The following EMG1 variants were observed in gnomAD, a reference collection of about 807,000 sequenced individuals.
The protein encoded by EMG1 is ribosomal RNA small subunit methyltransferase NEP1.
A neutral mutation model predicts 26.9 loss-of-function variants in EMG1; 24 were observed. That is an observed-to-expected ratio of 0.89 (90% CI 0.65 to 1.26). The LOEUF (loss-of-function observed/expected upper bound fraction) is 1.26. Among genes scored for constraint, EMG1 ranks in the 50% most tolerant of loss-of-function variants. EMG1 has a pLI of 0.00. For synonymous variants in EMG1, 140 were observed against 112.6 expected, an observed-to-expected ratio of 1.24 and a Z score of -1.54; for missense variants, 299 against 307.6, an observed-to-expected ratio of 0.97 and a Z score of 0.21.
downstream of EMG1, chr12:6,981,731 A>AGGGGGGG: frequency 4.7e-6 from 1 of 210,734 alleles, no homozygotes; most frequent in South Asian, 4.1e-5. Flanking sequence ...CGGGGGGCGG[A>AGGGGGGG]GGGGGGGTGC....
chr12:6,974,181 G>A (rs1946365014), intron 1 of EMG1, among the ~76,000 whole-genome samples, 158 bp from the exon 2 acceptor site: 1 of 152,210 alleles, frequency 6.6e-6, no homozygotes, highest in Non-Finnish European at 1.5e-5. Context: ...TCCACCCCCA[G>A]TGTTCCTGGT....
chr12:6,977,005 T>A lies in EMG1; in HGVS notation c.*1196T>A. ...AATAAGTCACAGTAGTCATTGCCCATACTGTGTTCCTTAGTAGCCAGGCTA... is the reference window on the plus strand; with the variant it reads ...AATAAGTCACAGTAGTCATTGCCCAAACTGTGTTCCTTAGTAGCCAGGCTA... On this transcript the variant is annotated 3_prime_UTR_variant, in exon 6 of 6. Transcript: ENST00000599672. This position sits in a 1 kb window ranked among gnomAD's most constrained non-coding sequence, Gnocchi z 4.5. 1 of 676,102 alleles carries A rather than the reference T, an allele frequency of 1.5e-6. No individual in the cohort carries two copies. Among genetic ancestry groups the A allele is most frequent in the Non-Finnish European group, 2.7e-6 (1 of 376,294 alleles). 41.9% of individuals were successfully genotyped at this position (676,102 alleles called of 1,614,324 possible). A position where few individuals can be genotyped will look rare whatever the true frequency, so the allele number is the denominator to read the frequency against.
chr12:6,982,569 G>A (rs868976370), downstream of EMG1: 1 of 768,442 alleles, frequency 1.3e-6, no homozygotes, highest in Non-Finnish European at 2.2e-6. Flanking sequence ...GCTGGGAGAG[G>A]GGTTAGAAAT....
In EMG1 at chr12:6,979,682, C is replaced by A; in HGVS notation, c.*3873C>A. Reference sequence around the variant, plus strand: ...GAGGAGTGTTTAGGGGTGTGGTTGTCTACCTGGAATGGGATGAGAAGCTCT... The same window carrying A: ...GAGGAGTGTTTAGGGGTGTGGTTGTATACCTGGAATGGGATGAGAAGCTCT... On this transcript the variant is annotated 3_prime_UTR_variant, in exon 6 of 6. Transcript: ENST00000599672. 1 of 778,658 alleles carries A rather than the reference C, an allele frequency of 1.3e-6. No homozygotes were observed. The highest frequency in any genetic ancestry group is 2.2e-6 in the Non-Finnish European group (1 of 453,982). The allele number at this position is 778,658 out of a possible 1,614,324, so 48.2% of individuals were successfully genotyped here.
rs782438802 is a variant in EMG1 at position 6,978,664 on chromosome 12, A to C, written c.*2855A>C. ...AAACTTGCCCCAGATCAGCATGTAC[A>C]TGCAGCGGAACCAGAAGGGGTGGTT... On this transcript the variant is annotated 3_prime_UTR_variant, in exon 6 of 6. Transcript: ENST00000599672. 6.2e-7 allele frequency: 1 copy of C among 1,614,218 alleles called. No individual in the cohort carries two copies. The highest frequency in any genetic ancestry group is 8.5e-7 in the Non-Finnish European group (1 of 1,180,042).
downstream of EMG1, among the ~76,000 whole-genome samples, chr12:6,990,334 C>G (rs1946576040): frequency 6.6e-6 from 1 of 150,672 alleles, no homozygotes; most frequent in African/African-American, 2.4e-5. Context: ...ATGGTGAAAC[C>G]CTGTCTCTAC....
chr12:6,972,942 G>A (rs952131060), intron 1 of EMG1, among the ~76,000 whole-genome samples: 18 of 151,572 alleles, frequency 1.2e-4, no homozygotes, highest in African/African-American at 4.1e-4. Context: ...GGCTCAAGCA[G>A]TCCTCCCACC....
rs148741189 is a variant in EMG1 at position 6,978,748 on chromosome 12, G to GCA, written c.*2941_*2942dup. The GCA allele has an allele frequency of 0.02, 31,622 of 1,596,666 alleles. 461 individuals are homozygous for GCA. Among genetic ancestry groups the GCA allele is most frequent in the Middle Eastern group, 0.075 (453 of 6,000 alleles). ...TCACATGACTAGGCAGTTTCTCTCAGCACTCTTCCTTTTCACACTTGTGGC... is the reference window on the plus strand; with the variant it reads ...TCACATGACTAGGCAGTTTCTCTCAGCACACTCTTCCTTTTCACACTTGTGGC... On this transcript the variant is annotated 3_prime_UTR_variant, in exon 6 of 6. Coordinates refer to ENST00000599672, the MANE Select transcript of EMG1 (RefSeq NM_006331.8).
At chr12:6,971,184 G>A (rs1946321958) in intron 1 of EMG1, 93 bp downstream of exon 1, 2 of 1,075,328 alleles carry the variant, frequency 1.9e-6, no homozygotes, top group African/African-American at 3.1e-5. Flanking sequence ...GTAGAAAGCA[G>A]AGAGGGGTGA....
rs782500790 is a variant in EMG1, at chr12:6,971,037, C to T, written c.114C>T (p.Ile38=). The T allele has an allele frequency of 5.0e-6, 8 of 1,611,496 alleles. No homozygotes were observed. The South Asian group carries it at 5.5e-5, about 11-fold the overall frequency. The change falls in exon 1 of 6, where the codon ATC becomes ATT. Residue 38 remains isoleucine (I), a synonymous_variant. Coordinates refer to ENST00000599672, the MANE Select transcript of EMG1 (RefSeq NM_006331.8). ...KRPRLGAGNK[I]GGRRLIVVLE... ...CCCGACTAGGGGCAGGAAACAAGAT[C>T]GGAGGCCGTAGGCTTATTGTGGTGC...
chr12:6,985,218 C>T (rs1254595190), intron 6 of EMG1, among the ~76,000 whole-genome samples: 3 of 151,410 alleles, frequency 2.0e-5, no homozygotes, highest in South Asian at 4.2e-4. Flanking sequence ...GGTGAAACCC[C>T]GTCTCTACTA....
At chr12:6,974,067 A>G (rs782592896) in intron 1 of EMG1, among the ~76,000 whole-genome samples, 1 of 152,360 alleles carries the variant, frequency 6.6e-6, no homozygotes, top group South Asian at 2.1e-4. Flanking sequence ...TTAGTAGATA[A>G]TGTGAAGTCA....
intron 7 of EMG1, among the ~76,000 whole-genome samples, chr12:6,995,048 T>G (rs1016553642): frequency 1.3e-4 from 20 of 152,246 alleles, no homozygotes; most frequent in Non-Finnish European, 2.5e-4. Context: ...CAGTTTTAAT[T>G]TGATATTTCA....
chr12:6,977,323 T>C lies in EMG1; in HGVS notation c.*1514T>C, dbSNP rs1946416382. 1.2e-6 allele frequency: 2 copies of C among 1,612,768 alleles called. No individual in the cohort carries two copies. Among genetic ancestry groups the C allele is most frequent in the Non-Finnish European group, 1.7e-6 (2 of 1,178,888 alleles). Reference sequence around the variant, plus strand: ...GGAGTGTCCTTTGCAACCTTTGAGGTTGCAGTGAGTCCCTCCCAGTCTCAC... The same window carrying C: ...GGAGTGTCCTTTGCAACCTTTGAGGCTGCAGTGAGTCCCTCCCAGTCTCAC... On this transcript the variant is annotated 3_prime_UTR_variant, in exon 6 of 6. Transcript: ENST00000599672. This position sits in a 1 kb window ranked among gnomAD's most constrained non-coding sequence, Gnocchi z 4.5.
Position 6,977,180 on chromosome 12 carries a change from A to G in EMG1, c.*1371A>G. On this transcript the variant is annotated 3_prime_UTR_variant, in exon 6 of 6. Coordinates refer to ENST00000599672, the MANE Select transcript of EMG1 (RefSeq NM_006331.8). The surrounding 1 kb of genome is among the most constrained non-coding windows in gnomAD (Gnocchi z 4.5). Reference sequence around the variant, plus strand: ...CTTCTTTAACTTCTCTTTCCTTGGCACCATTGCTTTGTGAATATAAGGCAA... The same window carrying G: ...CTTCTTTAACTTCTCTTTCCTTGGCGCCATTGCTTTGTGAATATAAGGCAA... 3 of 1,613,304 alleles carry G rather than the reference A, an allele frequency of 1.9e-6. No individual in the cohort carries two copies. In the South Asian group the frequency reaches 3.3e-5, roughly 18 times the overall value.
chr12:6,981,659 G>A, downstream of EMG1: 1 of 1,613,118 alleles, frequency 6.2e-7, no homozygotes, highest in Admixed American at 1.7e-5. Flanking sequence ...CGGATGGGTA[G>A]GGTGGTGGGA....
At chr12:6,981,762 T>TG (rs782444969), downstream of EMG1, 2 of 1,372,250 alleles carry the variant, frequency 1.5e-6, no homozygotes, top group South Asian at 2.3e-5. Flanking sequence ...TTTAGTGAGA[T>TG]GGGGGAGGGA....
At chr12:6,973,399 C>T (rs1349930929) in intron 1 of EMG1, among the ~76,000 whole-genome samples, 2 of 151,932 alleles carry the variant, frequency 1.3e-5, no homozygotes, top group Non-Finnish European at 2.9e-5. Flanking sequence ...AACTCCTGAC[C>T]TTAAGTGATT....
At chr12:6,980,886 G>A (rs1376639701), downstream of EMG1, 4 of 1,003,686 alleles carry the variant, frequency 4.0e-6, no homozygotes, top group Non-Finnish European at 5.8e-6. Flanking sequence ...AACAGTCCAG[G>A]GCCTGCATGA....
Sources: gnomAD v4.1 joint callset for allele counts (sites outside exome capture counted in the v4.1 genomes callset) on GRCh38, gnomAD v4.1.1 for gene constraint, Gnocchi (gnomAD v3.1) non-coding constraint, MANE v1.5 for transcripts, NCBI Gene and HGNC (gene_info 2026-07-23, HGNC 2026-07-21) for gene names.